TJP1: variants seen among roughly 807,000 people sequenced by gnomAD.
The protein encoded by TJP1 is tight junction protein ZO-1.
Under a neutral mutation model 194.2 loss-of-function variants are expected in TJP1, and 43 were observed. That is an observed-to-expected ratio of 0.22 (90% CI 0.17 to 0.29). The LOEUF is 0.29. TJP1 is among the 10% of genes least tolerant of loss of function. TJP1 has a pLI of 1.00. For synonymous variants in TJP1, 801 were observed against 779.0 expected (o/e 1.03, Z -0.47); for missense variants, 1,971 against 2,185.7 (o/e 0.90, Z 1.96).
In TJP1 at chr15:29,716,746, C is replaced by T. The variant is rs762084848; in HGVS notation, c.4067G>A (p.Arg1356Gln). Residue 1356 changes from arginine (R) to glutamine (Q), a missense_variant, in exon 23 of 28, where the codon CGA (arginine) becomes CAA (glutamine). Coordinates refer to ENST00000614355, the MANE Select transcript of TJP1 (RefSeq NM_001330239.4). The part of the protein sequence containing the change: ...YDPEEDEEYY[R>Q]KQLSYFDRRS... ...TCGGTCAAAGTATGACAGCTGTTTT[C>T]GATAATATTCTTCATCTTCTTCAGG... 10 of 1,613,904 alleles carry T rather than the reference C, an allele frequency of 6.2e-6. No homozygotes were observed. The highest frequency in any genetic ancestry group is 4.5e-5 in the East Asian group (2 of 44,882).
intron 2 of TJP1, among the ~76,000 whole-genome samples, chr15:29,789,019 T>A (rs1270554713): frequency 6.6e-6 from 1 of 152,212 alleles, no homozygotes; most frequent in African/African-American, 2.4e-5. Flanking sequence ...AGTGAACAAT[T>A]TTGTAAGATC....
rs185859251 is a variant in TJP1, at chr15:29,927,805, C to T, written c.306+28427G>A. ...CACATAAATTGGAATCCAAGGCCCC[C>T]GAAAGCCAGGGAGCTTGGTTAATTT... On this transcript the variant is annotated intron_variant, in intron 2 of 28. Coordinates refer to the TJP1 transcript ENST00000356107. 1.1e-4 allele frequency among the ~76,000 whole-genome samples: 17 copies of T among 152,180 alleles called. 1 individual carries two copies. The East Asian group carries it at 1.2e-3, about 10-fold the overall frequency.
intron 2 of TJP1, 60 bp from the exon 3 acceptor site, chr15:29,773,417 A>C: frequency 6.4e-7 from 1 of 1,554,062 alleles, no homozygotes; most frequent in East Asian, 2.3e-5. Flanking sequence ...GTTATATCAT[A>C]CTCTACAATC....
intron 8 of TJP1, among the ~76,000 whole-genome samples, chr15:29,753,921 A>T (rs983534059): frequency 2.0e-5 from 3 of 152,204 alleles, no homozygotes; most frequent in African/African-American, 7.2e-5. Flanking sequence ...AATATATGTA[A>T]TTCTTGTTTA....
At chr15:29,820,669 T>G in intron 1 of TJP1, 1 of 652,816 alleles carries the variant, frequency 1.5e-6, no homozygotes, top group Non-Finnish European at 2.8e-6. Flanking sequence ...AACAAAGCCT[T>G]TCCTCCTAGG....
chr15:29,855,136 G>C (rs1025033484), intron 2 of TJP1, among the ~76,000 whole-genome samples: 1 of 152,008 alleles, frequency 6.6e-6, no homozygotes, highest in Non-Finnish European at 1.5e-5. Context: ...ATAGTTTCAA[G>C]AAGTAACTTT....
chr15:29,779,058 T>C (rs2047190874), intron 2 of TJP1, among the ~76,000 whole-genome samples: 1 of 152,192 alleles, frequency 6.6e-6, no homozygotes, highest in Non-Finnish European at 1.5e-5. Context: ...GCAAGTCACA[T>C]AGCAAATCTC....
chr15:29,761,397 G>A, intron 7 of TJP1, 111 bp from the exon 8 acceptor site: 2 of 1,369,808 alleles, frequency 1.5e-6, no homozygotes, highest in Non-Finnish European at 2.0e-6. Flanking sequence ...ATATAAAATG[G>A]AAGATTTATG....
Position 29,903,104 on chromosome 15 carries a change from GC to G in TJP1, c.306+53127del, listed in dbSNP as rs2053685336. 2.0e-5 allele frequency among the ~76,000 whole-genome samples: 3 copies of G among 152,158 alleles called. No homozygotes were observed. The South Asian group carries it at 6.2e-4, about 32-fold the overall frequency. On this transcript the variant is annotated intron_variant, in intron 2 of 28. Transcript: ENST00000356107. The stretch of plus-strand genomic sequence containing the variant: ...CAAAACACACTAGAAGGGGGCCCTT[GC>G]CAGGCTCCCTGTCTCACCCACTTCC...
Position 29,829,166 on chromosome 15 carries a change from C to A in TJP1, c.307-28464G>T, listed in dbSNP as rs12901683. 7.2e-3 allele frequency among the ~76,000 whole-genome samples: 1,099 copies of A among 152,288 alleles called. 7 individuals carry two copies. Among genetic ancestry groups the A allele is most frequent in the Non-Finnish European group, 0.011 (774 of 68,028 alleles). On this transcript the variant is annotated intron_variant, in intron 2 of 28. Coordinates refer to the TJP1 transcript ENST00000356107. ...GCAAAGATAGTACAGAGAGTTCCTG[C>A]TGACTTCCCCTAATATTAATATCTT...
At chr15:29,727,452 A>C (rs2043309649) in intron 16 of TJP1, among the ~76,000 whole-genome samples, 1 of 152,208 alleles carries the variant, frequency 6.6e-6, no homozygotes, top group African/African-American at 2.4e-5. Flanking sequence ...TTTGTATTCT[A>C]ATGTCTCAGG....
chr15:29,763,040 A>G (rs1459254676), intron 5 of TJP1, among the ~76,000 whole-genome samples: 1 of 152,152 alleles, frequency 6.6e-6, no homozygotes, highest in Non-Finnish European at 1.5e-5. Flanking sequence ...TTCTGATCCT[A>G]TACACCCCAT....
intron 1 of TJP1, among the ~76,000 whole-genome samples, chr15:29,819,400 G>A (rs1222460110): frequency 1.3e-5 from 2 of 152,084 alleles, no homozygotes; most frequent in Admixed American, 6.5e-5. Flanking sequence ...AAAAAGTAGA[G>A]ATAATAGTTC....
chr15:29,705,700 C>T lies in TJP1; in HGVS notation c.4896G>A (p.Val1632=), dbSNP rs755464953. ...TAAATATGCCTCGGGCTGTGGCCAC[C>T]ACAGTATGACCATCTTCATCTTCAT... ...EEDEDEDGHT[V]VATARGIFNS... The change falls in exon 26 of 28, where the codon GTG becomes GTA. Residue 1632 remains valine, a synonymous_variant. Coordinates refer to ENST00000614355, the MANE Select transcript of TJP1 (RefSeq NM_001330239.4). 6.2e-7 allele frequency: 1 copy of T among 1,614,154 alleles called. No individual in the cohort carries two copies. Among genetic ancestry groups the T allele is most frequent in the South Asian group, 1.1e-5 (1 of 91,086 alleles).
intron 2 of TJP1, among the ~76,000 whole-genome samples, chr15:29,869,963 C>T (rs952190116): frequency 2.0e-5 from 3 of 151,736 alleles, no homozygotes; most frequent in Non-Finnish European, 2.9e-5. Flanking sequence ...CCCACCACCA[C>T]GTCTGGCTAA....
intron 2 of TJP1, among the ~76,000 whole-genome samples, chr15:29,877,048 T>C (rs1180269020): frequency 1.3e-5 from 2 of 152,232 alleles, no homozygotes; most frequent in African/African-American, 4.8e-5. Flanking sequence ...AACATGCCAG[T>C]CTGCATTGCT....
In TJP1 at chr15:29,755,915, T is replaced by C. The variant is rs1184887867; in HGVS notation, c.1010+5224A>G. Among the ~76,000 whole-genome samples, 6 of 152,176 alleles carry C rather than the reference T, an allele frequency of 3.9e-5. 1 individual carries two copies. Among genetic ancestry groups the C allele is most frequent in the Non-Finnish European group, 8.8e-5 (6 of 68,022 alleles). ...ATTTTTTCAATATTGTACCTGCTTA[T>C]GACTAATCATGCTCACTTTTATAAA... On this transcript the variant is annotated intron_variant, in intron 8 of 27. Transcript: ENST00000614355.
At chr15:29,773,685 T>G (rs1205465653) in intron 2 of TJP1, among the ~76,000 whole-genome samples, 1 of 152,260 alleles carries the variant, frequency 6.6e-6, no homozygotes, top group Non-Finnish European at 1.5e-5. Flanking sequence ...GAGCCCAGTG[T>G]GATCATCAGC....
At chr15:29,827,005 C>G (rs1335271337), upstream of TJP1, among the ~76,000 whole-genome samples, 1 of 152,174 alleles carries the variant, frequency 6.6e-6, no homozygotes, top group African/African-American at 2.4e-5. Flanking sequence ...CCTGCTGGTC[C>G]TCTCCCACTC....
Sources: allele counts gnomAD v4.1 joint callset (sites outside exome capture counted in the v4.1 genomes callset), GRCh38; gene constraint gnomAD v4.1.1; transcripts MANE v1.5; gene names NCBI Gene and HGNC (gene_info 2026-07-23, HGNC 2026-07-21).